The following MAP1B variants were observed in gnomAD, a reference collection of about 807,000 sequenced individuals.
The protein encoded by MAP1B is microtubule-associated protein 1B.
A neutral mutation model predicts 176.1 loss-of-function variants in MAP1B; 12 were observed. The ratio of observed to expected loss-of-function variants is 0.07; its 90% confidence interval spans 0.04 to 0.11. MAP1B has a LOEUF of 0.11. MAP1B is among the 10% of genes least tolerant of loss of function. MAP1B has a pLI of 1.00. For missense variants in MAP1B, 2,523 were observed against 2,990.5 expected, an observed-to-expected ratio of 0.84 and a Z score of 3.65; for synonymous variants, 1,044 against 1,135.0, an observed-to-expected ratio of 0.92 and a Z score of 1.61.
chr5:72,164,067 G>A (rs1746381618), intron 2 of MAP1B, among the ~76,000 whole-genome samples: 1 of 150,348 alleles, frequency 6.7e-6, no homozygotes, highest in Non-Finnish European at 1.5e-5. Context: ...CAAGTAGCTA[G>A]GACAAGTACT....
At chr5:72,161,906 G>A (rs534633197) in intron 2 of MAP1B, among the ~76,000 whole-genome samples, 3 of 141,694 alleles carry the variant, frequency 2.1e-5, no homozygotes, top group East Asian at 4.1e-4. Flanking sequence ...GCAGTGAGCC[G>A]AGATCGCGCC....
At position 72,197,259 on chromosome 5, in the gene MAP1B, A is replaced by G. The variant is rs1239292708; in HGVS notation, c.3904A>G (p.Thr1302Ala). The change falls in exon 5 of 7, where the codon ACC (threonine) becomes GCC (alanine). Residue 1302 changes from threonine to alanine, a missense_variant. Thr to Ala is a moderately conservative substitution (Grantham distance 58). This residue lies in a region of MAP1B where 1,925 missense variants were observed against 2,126.0 expected (regional missense o/e 0.91). Coordinates refer to ENST00000296755, the MANE Select transcript of MAP1B (RefSeq NM_005909.5). ...AEVAPVSPEV[T>A]QEVVEEHCAS... Reference sequence around the variant, plus strand: ...AGTAGCCCCGGTGTCTCCTGAGGTGACCCAAGAAGTAGTTGAAGAACATTG... The same window carrying G: ...AGTAGCCCCGGTGTCTCCTGAGGTGGCCCAAGAAGTAGTTGAAGAACATTG... The G allele has an allele frequency of 1.9e-6, 3 of 1,614,070 alleles. No individual in the cohort carries two copies. In the African/African-American group the frequency reaches 4.0e-5, roughly 22 times the overall value.
intron 2 of MAP1B, among the ~76,000 whole-genome samples, chr5:72,135,627 C>T (rs560331515): frequency 1.3e-5 from 2 of 152,192 alleles, no homozygotes; most frequent in East Asian, 3.9e-4. Context: ...TTTTAGAAAC[C>T]CTTACAATAG....
chr5:72,162,593 TA>T (rs199657775), intron 2 of MAP1B, among the ~76,000 whole-genome samples: 5 of 151,456 alleles, frequency 3.3e-5, no homozygotes, highest in East Asian at 3.9e-4. Context: ...GAAATATTTC[TA>T]AAAAAAAATA....
intron 2 of MAP1B, among the ~76,000 whole-genome samples, chr5:72,169,776 A>G (rs1746500002): frequency 6.6e-6 from 1 of 152,224 alleles, no homozygotes; most frequent in African/African-American, 2.4e-5. Context: ...AATAGCTCAT[A>G]TAAATACTAT....
In MAP1B at chr5:72,115,793, G is replaced by A. The variant is rs1745424414; in HGVS notation, c.280G>A (p.Val94Ile). The change falls in exon 2 of 7, where the codon GTC becomes ATC. Residue 94 changes from valine to isoleucine, a missense_variant. By Grantham distance (29) the Val-to-Ile change is conservative. This residue lies in a region of MAP1B where 307 missense variants were observed against 438.4 expected (regional missense o/e 0.70). Transcript: ENST00000296755. ...SRHSARFSPE[V>I]PGQKILHHRS... ...ACACTCTGCAAGATTCTCTCCTGAA[G>A]TCCCAGGTGAGGCTTCCGCTCAGTG... is the stretch of plus-strand genomic sequence containing the variant. The A allele has an allele frequency of 6.2e-7, 1 of 1,610,678 alleles. No individual in the cohort carries two copies. The highest frequency in any genetic ancestry group is 8.5e-7 in the Non-Finnish European group (1 of 1,176,886).
chr5:72,115,644 C>A, intron 1 of MAP1B, 54 bp from the exon 2 acceptor site: 3 of 979,062 alleles, frequency 3.1e-6, no homozygotes, highest in South Asian at 2.6e-5. Context: ...TTGTCCAAAC[C>A]ACTCTGAAAT....
At chr5:72,113,716 A>G (rs1056696767) in intron 1 of MAP1B, among the ~76,000 whole-genome samples, 1 of 152,252 alleles carries the variant, frequency 6.6e-6, no homozygotes, top group African/African-American at 2.4e-5. Context: ...AGGGTAGAAG[A>G]CAAAGTAGAG....
rs1747136898 is a variant in MAP1B at position 72,195,489 on chromosome 5, G to A, written c.2134G>A (p.Glu712Lys). The A allele has an allele frequency of 1.3e-6, 2 of 1,586,722 alleles. No individual in the cohort carries two copies. Among genetic ancestry groups the A allele is most frequent in the Non-Finnish European group, 1.7e-6 (2 of 1,172,938 alleles). Residue 712 changes from glutamate to lysine, a missense_variant, in exon 5 of 7, where the codon GAA becomes AAA. Coordinates refer to ENST00000296755, the MANE Select transcript of MAP1B (RefSeq NM_005909.5). ...KETPPKEVKK[E>K]VKKEEKKEVK... is the part of the protein sequence containing the mutation. The stretch of plus-strand genomic sequence containing the variant: ...AACACCGCCAAAGGAAGTCAAGAAG[G>A]AAGTTAAGAAGGAAGAGAAGAAGGA...
intron 2 of MAP1B, among the ~76,000 whole-genome samples, chr5:72,140,913 TCA>T (rs1177716652): frequency 6.6e-6 from 1 of 152,196 alleles, no homozygotes; most frequent in Non-Finnish European, 1.5e-5. Context: ...AATCAAAGGA[TCA>T]CCGCCCAATA....
At position 72,196,503 on chromosome 5, in the gene MAP1B, G is replaced by C. The variant is rs770799371; in HGVS notation, c.3148G>C (p.Asp1050His). 2 of 1,613,810 alleles carry C rather than the reference G, an allele frequency of 1.2e-6. No individual in the cohort carries two copies. The change falls in exon 5 of 7, where the codon GAC becomes CAC. Residue 1050 changes from aspartate (D) to histidine (H), a missense_variant. Physicochemically the swap from Asp to His is moderately conservative, Grantham distance 81. Around this residue, in one of 4 missense-constraint regions of MAP1B, gnomAD observed 1,925 missense variants for 2,126.0 expected, o/e 0.91. Transcript: ENST00000296755. This position sits in a 1 kb window ranked among gnomAD's most constrained non-coding sequence, Gnocchi z 5.3. ...TGAAGACTATGTGATGGCTGTGGTC[G>C]ACAAGGCTGCAGAGGCTGGTGGTGC... Reference protein sequence around the residue: ...EAEDYVMAVVDKAAEAGGAEE... With the variant: ...EAEDYVMAVVHKAAEAGGAEE...
intron 2 of MAP1B, among the ~76,000 whole-genome samples, chr5:72,159,915 G>A (rs1366310162): frequency 6.6e-6 from 1 of 152,142 alleles, no homozygotes; most frequent in African/African-American, 2.4e-5. Context: ...ACGTTCACCT[G>A]GTAAAGAGTG....
chr5:72,113,500 C>T (rs1036229690), intron 1 of MAP1B, among the ~76,000 whole-genome samples: 2 of 152,106 alleles, frequency 1.3e-5, no homozygotes, highest in Non-Finnish European at 2.9e-5. Flanking sequence ...ATAAAGCAAA[C>T]ATTTAATTGT....
Position 72,170,028 on chromosome 5 carries a change from T to G in MAP1B, c.287-13715T>G, listed in dbSNP as rs542716652. Among the ~76,000 whole-genome samples, 14 of 152,316 alleles carry G rather than the reference T, an allele frequency of 9.2e-5. No homozygotes were observed. In the East Asian group the frequency reaches 2.7e-3, roughly 29 times the overall value. On this transcript the variant is annotated intron_variant, in intron 2 of 6. Coordinates refer to ENST00000296755, the MANE Select transcript of MAP1B (RefSeq NM_005909.5). ...TTTAAAACAACCTTCAAGCAAAGTA[T>G]CCCACTAGGGCAAAAAATGAATGCA...
chr5:72,121,959 C>T (rs1435997470), intron 2 of MAP1B, among the ~76,000 whole-genome samples: 1 of 152,236 alleles, frequency 6.6e-6, no homozygotes, highest in Non-Finnish European at 1.5e-5. Flanking sequence ...CTCATGTTTT[C>T]TGTGTTGTTT....
Position 72,196,648 on chromosome 5 carries a change from C to T in MAP1B, c.3293C>T (p.Ala1098Val). ...ETLPGGSESE[A>V]TASDEENRED... Reference sequence around the variant, plus strand: ...TTACCTGGAGGCTCAGAGAGCGAGGCCACCGCTTCTGATGAGGAGAATCGA... The same window carrying T: ...TTACCTGGAGGCTCAGAGAGCGAGGTCACCGCTTCTGATGAGGAGAATCGA... The change falls in exon 5 of 7, where the codon GCC becomes GTC. Residue 1098 changes from alanine to valine, a missense_variant. By Grantham distance (64) the Ala-to-Val change is moderately conservative (BLOSUM62 0). This residue lies in a region of MAP1B where 1,925 missense variants were observed against 2,126.0 expected (regional missense o/e 0.91). Coordinates refer to ENST00000296755, the MANE Select transcript of MAP1B (RefSeq NM_005909.5). The surrounding 1 kb of genome is among the most constrained non-coding windows in gnomAD (Gnocchi z 5.3). 4 of 1,614,076 alleles carry T rather than the reference C, an allele frequency of 2.5e-6. No homozygotes were observed. The highest frequency in any genetic ancestry group is 3.4e-6 in the Non-Finnish European group (4 of 1,180,028).
At chr5:72,193,826 T>G (rs1747082662) in intron 4 of MAP1B, 40 bp from the exon 5 acceptor site, 1 of 1,537,384 alleles carries the variant, frequency 6.5e-7, no homozygotes, top group African/African-American at 1.4e-5. Flanking sequence ...TGATAATCAC[T>G]TACACCTTTT....
intron 2 of MAP1B, among the ~76,000 whole-genome samples, chr5:72,127,990 A>G (rs933307465): frequency 6.6e-5 from 10 of 152,250 alleles, no homozygotes; most frequent in African/African-American, 1.2e-4. Flanking sequence ...ATAGAATAAT[A>G]TCTTCAAAGA....
At chr5:72,135,117 C>G (rs1295775245) in intron 2 of MAP1B, among the ~76,000 whole-genome samples, 3 of 151,584 alleles carry the variant, frequency 2.0e-5, no homozygotes. Flanking sequence ...GTTGTGGCCT[C>G]CTTTCAAGCA....
Sources: gnomAD v4.1 joint callset for allele counts (sites outside exome capture counted in the v4.1 genomes callset) on GRCh38, gnomAD v4.1.1 for gene constraint, gnomAD v4.1.1 regional missense constraint, Gnocchi (gnomAD v3.1) non-coding constraint, MANE v1.5 for transcripts, NCBI Gene and HGNC (gene_info 2026-07-23, HGNC 2026-07-21) for gene names.